PCSK6: variants seen among roughly 807,000 people sequenced by gnomAD.
The protein encoded by PCSK6 is paired basic amino acid cleaving enzyme 4.
Under a neutral mutation model 123.3 loss-of-function variants are expected in PCSK6, and 85 were observed. The observed-to-expected ratio is 0.69, with a 90% confidence interval of 0.58 to 0.83. PCSK6 has a LOEUF of 0.83. Ranked by LOEUF, PCSK6 falls within the 40% of genes least tolerant of loss-of-function variation. The pLI, the probability that PCSK6 is intolerant of heterozygous loss-of-function variation, is 0.00. For missense variants in PCSK6, 1,191 were observed against 1,282.3 expected (o/e 0.93, Z 1.09); for synonymous variants, 508 against 516.0 (o/e 0.98, Z 0.21).
At chr15:101,439,621 T>G (rs1161971522) in intron 2 of PCSK6, among the ~76,000 whole-genome samples, 2 of 152,236 alleles carry the variant, frequency 1.3e-5, no homozygotes, top group Non-Finnish European at 2.9e-5. Flanking sequence ...TCAGGAACTT[T>G]CTGTTTGTTT....
At chr15:101,434,813 C>A (rs2056550243) in intron 2 of PCSK6, among the ~76,000 whole-genome samples, 1 of 147,918 alleles carries the variant, frequency 6.8e-6, no homozygotes, top group South Asian at 2.1e-4. Flanking sequence ...GCACTGTGTC[C>A]CTTCCTCTGG....
intron 10 of PCSK6, among the ~76,000 whole-genome samples, chr15:101,382,480 A>C (rs1211131224): frequency 6.6e-6 from 1 of 152,198 alleles, no homozygotes; most frequent in Non-Finnish European, 1.5e-5. Flanking sequence ...AGTGCTGAGA[A>C]GGTCTAGGAG....
chr15:101,380,988 T>C (rs1567177579), intron 11 of PCSK6, among the ~76,000 whole-genome samples: 1 of 152,022 alleles, frequency 6.6e-6, no homozygotes, highest in Middle Eastern at 3.2e-3. Flanking sequence ...GATGGCAGAA[T>C]TGGAATAATC....
intron 15 of PCSK6, among the ~76,000 whole-genome samples, chr15:101,330,973 T>C (rs1243333325): frequency 1.3e-5 from 2 of 152,266 alleles, no homozygotes; most frequent in Admixed American, 6.5e-5. Context: ...AAAGCATCAG[T>C]GTTCTTAGAT....
Position 101,318,442 on chromosome 15 carries a change from A to G in PCSK6, c.2466-20T>C. 1 of 1,535,044 alleles carries G rather than the reference A, an allele frequency of 6.5e-7. No individual in the cohort carries two copies. The highest frequency in any genetic ancestry group is 8.8e-7 in the Non-Finnish European group (1 of 1,131,650). On this transcript the variant is annotated intron_variant, in intron 18 of 21. Coordinates refer to ENST00000611716, the MANE Select transcript of PCSK6 (RefSeq NM_002570.5). ...GCAAGGCTGTTGAAAAGAAAGAGGC[A>G]GATTTCCACATCCATTCCAAAAGTC...
chr15:101,478,531 G>A (rs1310479858), intron 1 of PCSK6, among the ~76,000 whole-genome samples: 2 of 152,104 alleles, frequency 1.3e-5, no homozygotes, highest in Non-Finnish European at 2.9e-5. Context: ...CCTCTTCTGT[G>A]GCTTCCCCGG....
chr15:101,316,908 C>CTTTTTTTTTTTTTTTTTTTTTTTTTTTT (rs2040001564), intron 19 of PCSK6, among the ~76,000 whole-genome samples: 1 of 91,686 alleles, frequency 1.1e-5, no homozygotes, highest in African/African-American at 9.0e-5. Flanking sequence ...AGACTTAATT[C>CTTTTTTTTTTTTTTTTTTTTTTTTTTTT]TGTTTTTTTT....
At chr15:101,365,901 G>A in intron 13 of PCSK6, 1 of 233,424 alleles carries the variant, frequency 4.3e-6, no homozygotes, top group East Asian at 8.3e-5. Context: ...CCAGGAGCTG[G>A]GAGGGGAGGA....
chr15:101,377,380 AG>A (rs892895335), intron 11 of PCSK6, among the ~76,000 whole-genome samples: 2 of 152,168 alleles, frequency 1.3e-5, no homozygotes, highest in East Asian at 1.9e-4. Flanking sequence ...GCTCCTACCT[AG>A]GGGGGCAAGG....
chr15:101,337,174 T>A (rs2040501467), intron 13 of PCSK6: 1 of 152,212 alleles, frequency 6.6e-6, no homozygotes, highest in Non-Finnish European at 1.5e-5. Context: ...CCGGCTAATT[T>A]TTGTATTTTT....
Position 101,326,419 on chromosome 15 carries a change from A to C in PCSK6, c.2138T>G (p.Leu713Trp). The C allele has an allele frequency of 6.3e-7, 1 of 1,585,472 alleles. No individual in the cohort carries two copies. The change falls in exon 16 of 22, where the codon TTG (leucine) becomes TGG (tryptophan). Residue 713 changes from leucine (L) to tryptophan (W), a missense_variant. Physicochemically the swap from Leu to Trp is moderately conservative, Grantham distance 61. Coordinates refer to ENST00000611716, the MANE Select transcript of PCSK6 (RefSeq NM_002570.5). ...CCCCAGGCTGAAGTGGACGCAGTTC[A>C]AGCACTGGTCTGCATTGGGGCCATC... ...GCDGPNADQCLNCVHFSLGSV... is the reference protein window; with the variant it reads ...GCDGPNADQCWNCVHFSLGSV...
At chr15:101,326,736 G>C (rs2040263487) in intron 15 of PCSK6, among the ~76,000 whole-genome samples, 1 of 152,256 alleles carries the variant, frequency 6.6e-6, no homozygotes, top group Non-Finnish European at 1.5e-5. Context: ...GAAACATCCA[G>C]GGTGGGTACG....
chr15:101,335,198 G>A (rs763989518), intron 13 of PCSK6, among the ~76,000 whole-genome samples: 3 of 152,168 alleles, frequency 2.0e-5, no homozygotes, highest in South Asian at 2.1e-4. Flanking sequence ...GAGCTCAAGC[G>A]ATCCTCCCAC....
intron 1 of PCSK6, among the ~76,000 whole-genome samples, chr15:101,470,342 C>T (rs971744910): frequency 5.9e-5 from 9 of 152,176 alleles, no homozygotes; most frequent in Admixed American, 5.9e-4. Context: ...CTTGAGTCAG[C>T]TTAACACTTT....
At chr15:101,415,939 C>T (rs532118360) in intron 6 of PCSK6, among the ~76,000 whole-genome samples, 5 of 152,194 alleles carry the variant, frequency 3.3e-5, no homozygotes, top group East Asian at 3.9e-4. Context: ...TTCCCAGTCT[C>T]GGGAATGTCT....
chr15:101,375,632 G>A (rs2041713771), intron 11 of PCSK6, among the ~76,000 whole-genome samples: 1 of 152,214 alleles, frequency 6.6e-6, no homozygotes, highest in Non-Finnish European at 1.5e-5. Flanking sequence ...GGTGTCATGT[G>A]TAGATGTGTG....
At chr15:101,362,874 C>T (rs2041274780) in intron 13 of PCSK6, among the ~76,000 whole-genome samples, 1 of 152,208 alleles carries the variant, frequency 6.6e-6, no homozygotes. Flanking sequence ...AGAGAGGGTG[C>T]TTAGTTTGTT....
chr15:101,363,780 C>T (rs922086886), intron 13 of PCSK6, among the ~76,000 whole-genome samples: 2 of 151,372 alleles, frequency 1.3e-5, no homozygotes, highest in South Asian at 4.2e-4. Flanking sequence ...CAGGTGCCTG[C>T]CACCTTGCCT....
intron 5 of PCSK6, 119 bp downstream of exon 5, chr15:101,429,868 G>T: frequency 1.2e-6 from 1 of 826,514 alleles, no homozygotes; most frequent in Non-Finnish European, 2.0e-6. Context: ...CCTGCCTCGC[G>T]CCCAGGCAGG....
Sources: allele counts gnomAD v4.1 joint callset (sites outside exome capture counted in the v4.1 genomes callset), GRCh38; gene constraint gnomAD v4.1.1; transcripts MANE v1.5; gene names NCBI Gene and HGNC (gene_info 2026-07-23, HGNC 2026-07-21).